ZNF407: variants seen among roughly 807,000 people sequenced by gnomAD.
The protein encoded by ZNF407 is zinc finger protein 407.
In ZNF407, 17 loss-of-function variants were observed where a neutral mutation model predicts 131.2. That is an observed-to-expected ratio of 0.13 (90% CI 0.09 to 0.19). ZNF407 has a LOEUF of 0.19. Ranked by LOEUF, ZNF407 falls within the 10% of genes least tolerant of loss-of-function variation. The pLI is 1.00. For synonymous variants in ZNF407, 1,156 were observed against 1,062.0 expected (o/e 1.09, Z -1.72); for missense variants, 2,681 against 2,830.6 (o/e 0.95, Z 1.20).
intron 7 of ZNF407, among the ~76,000 whole-genome samples, chr18:74,910,285 T>C (rs1599236163): frequency 6.6e-6 from 1 of 152,326 alleles, no homozygotes; most frequent in Non-Finnish European, 1.5e-5. Flanking sequence ...AGTAATACGT[T>C]ATTTTAAAAT....
chr18:74,755,884 C>CTTT, intron 3 of ZNF407, among the ~76,000 whole-genome samples: 3 of 24,208 alleles, frequency 1.2e-4, no homozygotes, highest in African/African-American at 1.5e-4. Context: ...TCTTTTCCTT[C>CTTT]CTTTTTTTTT....
At chr18:74,645,300 A>G (rs923698551) in intron 3 of ZNF407, among the ~76,000 whole-genome samples, 4 of 152,086 alleles carry the variant, frequency 2.6e-5, no homozygotes, top group African/African-American at 9.6e-5. Context: ...TAGAAAACTA[A>G]TAATTGGCCT....
intron 3 of ZNF407, among the ~76,000 whole-genome samples, chr18:74,715,827 A>G (rs1967880780): frequency 6.6e-6 from 1 of 152,176 alleles, no homozygotes; most frequent in African/African-American, 2.4e-5. Flanking sequence ...TTCTTAGCAT[A>G]TTTTGACCTG....
At chr18:74,599,921 A>G (rs996516299) in intron 1 of ZNF407, among the ~76,000 whole-genome samples, 1 of 152,192 alleles carries the variant, frequency 6.6e-6, no homozygotes, top group Non-Finnish European at 1.5e-5. Context: ...TTGGTTTTTT[A>G]GGAATGCACT....
chr18:74,665,617 C>A (rs753054517), intron 3 of ZNF407, among the ~76,000 whole-genome samples: 3 of 152,034 alleles, frequency 2.0e-5, no homozygotes, highest in African/African-American at 7.2e-5. Context: ...CCTTATAGTC[C>A]CTGCCATCTT....
intron 3 of ZNF407, among the ~76,000 whole-genome samples, chr18:74,656,465 T>C (rs67569135): frequency 0.15 from 22,427 of 151,998 alleles, 1,692 homozygotes; most frequent in Non-Finnish European, 0.17. Flanking sequence ...CAATGTAAGT[T>C]TACAAAAGGA....
chr18:74,825,112 A>G (rs1292150239), intron 4 of ZNF407, among the ~76,000 whole-genome samples: 1 of 152,220 alleles, frequency 6.6e-6, no homozygotes, highest in Non-Finnish European at 1.5e-5. Context: ...GACAAAAACC[A>G]CATGATTATC....
At chr18:74,691,252 C>G (rs895926167) in intron 3 of ZNF407, among the ~76,000 whole-genome samples, 2 of 151,768 alleles carry the variant, frequency 1.3e-5, no homozygotes, top group African/African-American at 4.8e-5. Context: ...GCACTCCAGC[C>G]TGGGCGACAA....
chr18:74,616,118 A>G (rs1246240770), intron 1 of ZNF407, among the ~76,000 whole-genome samples: 1 of 152,202 alleles, frequency 6.6e-6, no homozygotes, highest in Non-Finnish European at 1.5e-5. Context: ...TGAATTCAGC[A>G]TACATTAACC....
At chr18:74,929,465 G>GA (rs1187549600) in intron 8 of ZNF407, among the ~76,000 whole-genome samples, 4 of 152,110 alleles carry the variant, frequency 2.6e-5, no homozygotes, top group South Asian at 2.1e-4. Context: ...AATTTTAAGG[G>GA]AAAAAATTGA....
chr18:75,059,228 A>T (rs1367031887), intron 8 of ZNF407, among the ~76,000 whole-genome samples: 1 of 152,234 alleles, frequency 6.6e-6, no homozygotes, highest in Admixed American at 6.5e-5. Context: ...GCTGCAAGGG[A>T]TCCAAAGGAT....
chr18:74,907,361 A>T (rs1353726315), intron 7 of ZNF407, among the ~76,000 whole-genome samples: 3 of 152,126 alleles, frequency 2.0e-5, no homozygotes, highest in African/African-American at 7.2e-5. Context: ...GACTCTGGGG[A>T]AGTGTCTGGC....
chr18:74,649,194 A>AT (rs1985112374), intron 3 of ZNF407, among the ~76,000 whole-genome samples: 1 of 152,260 alleles, frequency 6.6e-6, no homozygotes, highest in African/African-American at 2.4e-5. Context: ...CTGAGGTACT[A>AT]TAAGAATATA....
rs756177441 is a variant in ZNF407 at position 74,633,364 on chromosome 18, C to A, written c.2345C>A (p.Ala782Glu). 6.2e-7 allele frequency: 1 copy of A among 1,613,806 alleles called. No homozygotes were observed. Among genetic ancestry groups the A allele is most frequent in the Non-Finnish European group, 8.5e-7 (1 of 1,179,878 alleles). ...EECIERVCIG[A>E]NDKKEEFDVS... ...TGTATTGAAAGGGTATGTATAGGTG[C>A]AAATGATAAAAAAGAAGAGTTTGAT... Residue 782 changes from alanine to glutamate, a missense_variant, in exon 2 of 9, where the codon GCA becomes GAA. Physicochemically the swap from Ala to Glu is moderately radical, Grantham distance 107. Coordinates refer to ENST00000299687, the MANE Select transcript of ZNF407 (RefSeq NM_017757.3).
chr18:74,768,994 T>G (rs1358827681), intron 3 of ZNF407, among the ~76,000 whole-genome samples: 2 of 152,174 alleles, frequency 1.3e-5, no homozygotes, highest in Non-Finnish European at 2.9e-5. Flanking sequence ...TTAGTCATGG[T>G]CATCGTCGTC....
chr18:74,952,435 A>T (rs1345706293), intron 8 of ZNF407, among the ~76,000 whole-genome samples: 1 of 152,142 alleles, frequency 6.6e-6, no homozygotes, highest in Non-Finnish European at 1.5e-5. Flanking sequence ...ACTGCCAAAT[A>T]CTTGTCGAGC....
At chr18:74,993,790 C>T (rs917390386) in intron 8 of ZNF407, among the ~76,000 whole-genome samples, 1 of 152,178 alleles carries the variant, frequency 6.6e-6, no homozygotes, top group African/African-American at 2.4e-5. Context: ...AAATGGTGAA[C>T]ACTCCTTTGG....
chr18:75,014,265 G>C (rs1293038498), intron 8 of ZNF407, among the ~76,000 whole-genome samples: 2 of 151,952 alleles, frequency 1.3e-5, no homozygotes, highest in Non-Finnish European at 2.9e-5. Context: ...TAAGTACCTG[G>C]TCACCAATTT....
At position 74,781,450 on chromosome 18, in the gene ZNF407, C is replaced by T; in HGVS notation, c.4825C>T (p.His1609Tyr). ...TAGGGTTGCTTTTGTAATGAAGAAG[C>T]ACTTAAATACTCATCTACTAGGCAA... ...VCGVAFVMKK[H>Y]LNTHLLGKHG... The change falls in exon 4 of 9, where the codon CAC becomes TAC. Residue 1609 changes from histidine (H) to tyrosine (Y), a missense_variant. By Grantham distance (83) the His-to-Tyr change is moderately conservative. This residue lies in a region of ZNF407 where 213 missense variants were observed against 332.2 expected (regional missense o/e 0.64). Transcript: ENST00000299687. 1 of 1,542,076 alleles carries T rather than the reference C, an allele frequency of 6.5e-7. No homozygotes were observed. Among genetic ancestry groups the T allele is most frequent in the Non-Finnish European group, 8.7e-7 (1 of 1,143,968 alleles).
Sources: allele counts gnomAD v4.1 joint callset (sites outside exome capture counted in the v4.1 genomes callset), GRCh38; gene constraint gnomAD v4.1.1; regional missense constraint gnomAD v4.1.1; transcripts MANE v1.5; gene names NCBI Gene and HGNC (gene_info 2026-07-23, HGNC 2026-07-21).